Variants in MKRN3 observed in about 807,000 individuals in gnomAD.
MKRN3 encodes makorin ring finger protein 3, also known as E3 ubiquitin-protein ligase makorin-3.
For missense variants in MKRN3, 749 were observed against 667.0 expected, an observed-to-expected ratio of 1.12 and a Z score of -1.35; for synonymous variants, 301 against 250.2, an observed-to-expected ratio of 1.20 and a Z score of -1.91.
At position 23,567,608 on chromosome 15, in the gene MKRN3, A is replaced by G. The variant is rs1366457379; in HGVS notation, c.*302A>G. 5.1e-6 allele frequency: 6 copies of G among 1,172,418 alleles called. No individual in the cohort carries two copies. The highest frequency in any genetic ancestry group is 6.4e-6 in the Non-Finnish European group (6 of 939,168). The allele number at this position is 1,172,418 out of a possible 1,614,324, so 72.6% of individuals were successfully genotyped here. ...TAGTGTTTACTGAATTTCCACACTT[A>G]TTTTGAAGACCCTCAAGAGTAAATG... On this transcript the variant is annotated 3_prime_UTR_variant, in exon 1 of 1. Transcript: ENST00000314520.
At position 23,567,036 on chromosome 15, in the gene MKRN3, C is replaced by T. The variant is rs1159495309; in HGVS notation, c.1254C>T (p.Tyr418=). 2.5e-6 allele frequency: 4 copies of T among 1,614,236 alleles called. No homozygotes were observed. The East Asian group carries it at 8.9e-5, about 36-fold the overall frequency. ...GNCPFGDTCF[Y]KHEYPEGWGD... ...GCCCATTTGGAGACACATGCTTTTACAAGCATGAATACCCTGAGGGCTGGG... is the reference window on the plus strand; with the variant it reads ...GCCCATTTGGAGACACATGCTTTTATAAGCATGAATACCCTGAGGGCTGGG... Residue 418 remains tyrosine, a synonymous_variant, in exon 1 of 1, where the codon TAC becomes TAT. Transcript: ENST00000314520.
rs540522423 is a variant in MKRN3, at chr15:23,567,944, TG to T, written c.*639del. On this transcript the variant is annotated 3_prime_UTR_variant, in exon 1 of 1. Coordinates refer to ENST00000314520, the MANE Select transcript of MKRN3 (RefSeq NM_005664.4). ...TATATATGTATAAGAGTTATGTATT[TG>T]AAAAAAATATATAAAAGAATATACA... 112 of 722,390 alleles carry T rather than the reference TG, an allele frequency of 1.6e-4. No homozygotes were observed. The East Asian group carries it at 4.9e-3, about 32-fold the overall frequency. The allele number at this position is 722,390 out of a possible 1,614,324, so 44.7% of individuals were successfully genotyped here. A position where few individuals can be genotyped will look rare whatever the true frequency, so the allele number is the denominator to read the frequency against.
At position 23,565,846 on chromosome 15, in the gene MKRN3, G is replaced by C; in HGVS notation, c.64G>C (p.Ala22Pro). 6.2e-7 allele frequency: 1 copy of C among 1,613,414 alleles called. No homozygotes were observed. The highest frequency in any genetic ancestry group is 8.5e-7 in the Non-Finnish European group (1 of 1,179,566). The change falls in exon 1 of 1, where the codon GCA becomes CCA. Residue 22 changes from alanine to proline, a missense_variant. Physicochemically the swap from Ala to Pro is conservative, Grantham distance 27. Coordinates refer to ENST00000314520, the MANE Select transcript of MKRN3 (RefSeq NM_005664.4). ...EAAGAQAGAE[A>P]AREGVSGPDL... ...AGCCGGGGCCCAGGCAGGTGCTGAG[G>C]CAGCAAGGGAGGGTGTGTCTGGGCC...
In MKRN3 at chr15:23,565,985, G is replaced by T. The variant is rs149274884; in HGVS notation, c.203G>T (p.Arg68Leu). The change falls in exon 1 of 1, where the codon CGC becomes CTC. Residue 68 changes from arginine (R) to leucine (L), a missense_variant. Arg to Leu is a moderately radical substitution (Grantham distance 102). Transcript: ENST00000314520. The stretch of plus-strand genomic sequence containing the variant: ...GTAGCTCCAGTCCCTGCCCACCTCC[G>T]CAGAGGAGGCCTGAGGCCTGCCCCA... ...FPVAPVPAHL[R>L]RGGLRPAPAS... The T allele has an allele frequency of 1.1e-5, 17 of 1,613,740 alleles. No homozygotes were observed. The East Asian group carries it at 3.8e-4, about 36-fold the overall frequency.
Position 23,566,332 on chromosome 15 carries a change from A to G in MKRN3, c.550A>G (p.Arg184Gly), listed in dbSNP as rs754536106. Residue 184 changes from arginine to glycine, a missense_variant, in exon 1 of 1, where the codon AGA becomes GGA. Coordinates refer to ENST00000314520, the MANE Select transcript of MKRN3 (RefSeq NM_005664.4). ...TGAAAGGGGTTTCTTTGAAGCCGAG[A>G]GAGACAATGCAGACCGTGGAGCTGC... Reference protein sequence around the residue: ...AAERGFFEAERDNADRGAAGG... With the variant: ...AAERGFFEAEGDNADRGAAGG... 6.2e-7 allele frequency: 1 copy of G among 1,614,154 alleles called. No homozygotes were observed. The highest frequency in any genetic ancestry group is 1.1e-5 in the South Asian group (1 of 91,086).
Position 23,566,816 on chromosome 15 carries a change from G to A in MKRN3, c.1034G>A (p.Arg345His), listed in dbSNP as rs375705600. Reference sequence around the variant, plus strand: ...CATTCCTTCTGTATTAGGTGTATCCGCAGGTGGAGAAGTGCCAGACAGTTT... The same window carrying A: ...CATTCCTTCTGTATTAGGTGTATCCACAGGTGGAGAAGTGCCAGACAGTTT... The part of the protein sequence containing the change: ...CNHSFCIRCI[R>H]RWRSARQFEN... The change falls in exon 1 of 1, where the codon CGC becomes CAC. Residue 345 changes from arginine to histidine, a missense_variant. By Grantham distance (29) the Arg-to-His change is conservative. Transcript: ENST00000314520. 20 of 1,614,106 alleles carry A rather than the reference G, an allele frequency of 1.2e-5. No individual in the cohort carries two copies. Among genetic ancestry groups the A allele is most frequent in the African/African-American group, 2.7e-5 (2 of 74,928 alleles).
Position 23,566,187 on chromosome 15 carries a change from T to G in MKRN3, c.405T>G (p.Pro135=). The change falls in exon 1 of 1, where the codon CCT becomes CCG. Residue 135 remains proline (P), a synonymous_variant. Transcript: ENST00000314520. ...CCACTGAGGGTGGCGTTTCGCCGCC[T>G]GGGGCCTCTGCAGGTGGAGGCCCTA... The part of the protein sequence containing the change: ...KMATEGGVSP[P]GASAGGGPST... 1.2e-6 allele frequency: 2 copies of G among 1,613,820 alleles called. No homozygotes were observed. Among genetic ancestry groups the G allele is most frequent in the Non-Finnish European group, 1.7e-6 (2 of 1,180,024 alleles).
chr15:23,565,700 C>A lies in MKRN3; in HGVS notation c.-83C>A. The A allele has an allele frequency of 7.3e-7, 1 of 1,366,760 alleles. No individual in the cohort carries two copies. The highest frequency in any genetic ancestry group is 9.7e-7 in the Non-Finnish European group (1 of 1,029,574). 84.7% of individuals were successfully genotyped at this position (1,366,760 alleles called of 1,614,324 possible). The stretch of plus-strand genomic sequence containing the variant: ...CACTTCCCCCAGAGAAGCCTCCGAG[C>A]GCGGCCGCCATTCCGGGCCTCAAGC... On this transcript the variant is annotated 5_prime_UTR_variant, in exon 1 of 1. Coordinates refer to ENST00000314520, the MANE Select transcript of MKRN3 (RefSeq NM_005664.4).
At position 23,565,854 on chromosome 15, in the gene MKRN3, G is replaced by C; in HGVS notation, c.72G>C (p.Arg24Ser). ...AGAQAGAEAA[R>S]EGVSGPDLPV... Reference sequence around the variant, plus strand: ...CCCAGGCAGGTGCTGAGGCAGCAAGGGAGGGTGTGTCTGGGCCGGACCTTC... The same window carrying C: ...CCCAGGCAGGTGCTGAGGCAGCAAGCGAGGGTGTGTCTGGGCCGGACCTTC... The change falls in exon 1 of 1, where the codon AGG (arginine) becomes AGC (serine). Residue 24 changes from arginine (R) to serine (S), a missense_variant. By Grantham distance (110) the Arg-to-Ser change is moderately radical (BLOSUM62 -1). Coordinates refer to ENST00000314520, the MANE Select transcript of MKRN3 (RefSeq NM_005664.4). The C allele has an allele frequency of 6.2e-7, 1 of 1,613,756 alleles. No homozygotes were observed.
chr15:23,566,456 T>G lies in MKRN3; in HGVS notation c.674T>G (p.Leu225Arg), dbSNP rs1889098349. 1 of 1,614,028 alleles carries G rather than the reference T, an allele frequency of 6.2e-7. No individual in the cohort carries two copies. Among genetic ancestry groups the G allele is most frequent in the African/African-American group, 1.3e-5 (1 of 74,936 alleles). ...GTTGCATCTGCCCCCGAGGCTCCTC[T>G]ACAGAGCTCAGAGACTGAGAGGAAG... The part of the protein sequence containing the change: ...RWVASAPEAP[L>R]QSSETERKQM... The change falls in exon 1 of 1, where the codon CTA becomes CGA. Residue 225 changes from leucine to arginine, a missense_variant. Coordinates refer to ENST00000314520, the MANE Select transcript of MKRN3 (RefSeq NM_005664.4).
rs1889071697 is a variant in MKRN3, at chr15:23,565,827, G to C, written c.45G>C (p.Gly15=). The C allele has an allele frequency of 3.7e-6, 6 of 1,611,526 alleles. No homozygotes were observed. Among genetic ancestry groups the C allele is most frequent in the Non-Finnish European group, 5.1e-6 (6 of 1,178,296 alleles). The part of the protein sequence containing the change: ...AAPSEAHEAA[G]AQAGAEAARE... ...CCTCAGAAGCCCACGAGGCAGCCGG[G>C]GCCCAGGCAGGTGCTGAGGCAGCAA... is the stretch of plus-strand genomic sequence containing the variant. The change falls in exon 1 of 1, where the codon GGG becomes GGC. Residue 15 remains glycine (G), a synonymous_variant. Transcript: ENST00000314520.
Position 23,567,753 on chromosome 15 carries a change from C to T in MKRN3, c.*447C>T. 1.0e-6 allele frequency: 1 copy of T among 1,004,882 alleles called. No homozygotes were observed. The highest frequency in any genetic ancestry group is 1.2e-6 in the Non-Finnish European group (1 of 833,086). The allele number at this position is 1,004,882 out of a possible 1,614,324, so 62.2% of individuals were successfully genotyped here. A position where few individuals can be genotyped will look rare whatever the true frequency, so the allele number is the denominator to read the frequency against. On this transcript the variant is annotated 3_prime_UTR_variant, in exon 1 of 1. Transcript: ENST00000314520. Reference sequence around the variant, plus strand: ...TCTGTTTGTTTACAGTTTGTTCTTTCCCTCCTTCCCCTTCAAGTGCACTTG... The same window carrying T: ...TCTGTTTGTTTACAGTTTGTTCTTTTCCTCCTTCCCCTTCAAGTGCACTTG...
Position 23,566,567 on chromosome 15 carries a change from A to G in MKRN3, c.785A>G (p.His262Arg). The G allele has an allele frequency of 6.2e-7, 1 of 1,614,150 alleles. No homozygotes were observed. Among genetic ancestry groups the G allele is most frequent in the Non-Finnish European group, 8.5e-7 (1 of 1,180,034 alleles). Residue 262 changes from histidine (H) to arginine (R), a missense_variant, in exon 1 of 1, where the codon CAT (histidine) becomes CGT (arginine). By Grantham distance (29) the His-to-Arg change is conservative. Coordinates refer to ENST00000314520, the MANE Select transcript of MKRN3 (RefSeq NM_005664.4). ...CFRGESCMYL[H>R]GDICDMCGLQ... ...CGTGGGGAGAGCTGTATGTACCTCC[A>G]TGGAGACATATGCGACATGTGTGGG...
In MKRN3 at chr15:23,566,322, T is replaced by C; in HGVS notation, c.540T>C (p.Phe180=). 1 of 1,614,100 alleles carries C rather than the reference T, an allele frequency of 6.2e-7. No individual in the cohort carries two copies. Among genetic ancestry groups the C allele is most frequent in the Non-Finnish European group, 8.5e-7 (1 of 1,180,026 alleles). Residue 180 remains phenylalanine (F), a synonymous_variant, in exon 1 of 1, where the codon TTT becomes TTC. Coordinates refer to ENST00000314520, the MANE Select transcript of MKRN3 (RefSeq NM_005664.4). ...GCTCGGCTGCTGAAAGGGGTTTCTT[T>C]GAAGCCGAGAGAGACAATGCAGACC... is the stretch of plus-strand genomic sequence containing the variant. ...VIGSAAERGF[F]EAERDNADRG... is the part of the protein sequence containing the mutation.
chr15:23,567,307 C>G lies in MKRN3; in HGVS notation c.*1C>G, dbSNP rs776446143. 1.9e-6 allele frequency: 3 copies of G among 1,613,548 alleles called. No homozygotes were observed. The highest frequency in any genetic ancestry group is 2.5e-6 in the Non-Finnish European group (3 of 1,179,652). ...AGAATATTTCAATTTGATTCTGTAG[C>G]ATCGTGCTGTGGCATGTGGTCTAGT... On this transcript the variant is annotated 3_prime_UTR_variant, in exon 1 of 1. Coordinates refer to ENST00000314520, the MANE Select transcript of MKRN3 (RefSeq NM_005664.4).
In MKRN3 at chr15:23,568,015, C is replaced by T. The variant is rs1889142647; in HGVS notation, c.*709C>T. 5 of 672,342 alleles carry T rather than the reference C, an allele frequency of 7.4e-6. No homozygotes were observed. Among genetic ancestry groups the T allele is most frequent in the Non-Finnish European group, 9.2e-6 (5 of 543,750 alleles). 41.6% of individuals were successfully genotyped at this position (672,342 alleles called of 1,614,324 possible). On this transcript the variant is annotated 3_prime_UTR_variant, in exon 1 of 1. Transcript: ENST00000314520. ...TTTATGTAATAAAGTAAATACAGAG[C>T]TGAAAGCTGAAGGTCAAAGCCTAAC...
Position 23,566,384 on chromosome 15 carries a change from C to A in MKRN3, c.602C>A (p.Ala201Glu). 1 of 1,613,792 alleles carries A rather than the reference C, an allele frequency of 6.2e-7. No individual in the cohort carries two copies. Among genetic ancestry groups the A allele is most frequent in the Non-Finnish European group, 8.5e-7 (1 of 1,179,870 alleles). ...AAGGAGVESW[A>E]DAIEFVPGQP... ...GGAGGAGCAGGTGTAGAAAGCTGGG[C>A]GGATGCCATTGAGTTTGTTCCAGGG... Residue 201 changes from alanine to glutamate, a missense_variant, in exon 1 of 1, where the codon GCG becomes GAG. Physicochemically the swap from Ala to Glu is moderately radical, Grantham distance 107. Transcript: ENST00000314520.
At position 23,566,879 on chromosome 15, in the gene MKRN3, T is replaced by C. The variant is rs535727288; in HGVS notation, c.1097T>C (p.Val366Ala). The change falls in exon 1 of 1, where the codon GTC becomes GCC. Residue 366 changes from valine to alanine, a missense_variant. Transcript: ENST00000314520. ...RIVKSCPQCR[V>A]TSELVIPSEF... ...GTCAAGTCTTGCCCACAGTGCAGGG[T>C]CACCTCTGAATTGGTCATTCCCAGT... 6.2e-7 allele frequency: 1 copy of C among 1,614,112 alleles called. No homozygotes were observed. Among genetic ancestry groups the C allele is most frequent in the African/African-American group, 1.3e-5 (1 of 75,024 alleles).
Position 23,565,967 on chromosome 15 carries a change from C to T in MKRN3, c.185C>T (p.Pro62Leu). 6.2e-7 allele frequency: 1 copy of T among 1,613,846 alleles called. No homozygotes were observed. Among genetic ancestry groups the T allele is most frequent in the Admixed American group, 1.7e-5 (1 of 60,032 alleles). ...GGCTGGGCCCCCTTCCCTGTAGCTC[C>T]AGTCCCTGCCCACCTCCGCAGAGGA... is the stretch of plus-strand genomic sequence containing the variant. ...ARGWAPFPVA[P>L]VPAHLRRGGL... The change falls in exon 1 of 1, where the codon CCA (proline) becomes CTA (leucine). Residue 62 changes from proline to leucine, a missense_variant. Transcript: ENST00000314520.
Sources: allele counts gnomAD v4.1 joint callset, GRCh38; gene constraint gnomAD v4.1.1; transcripts MANE v1.5; gene names NCBI Gene and HGNC (gene_info 2026-07-23, HGNC 2026-07-21).